The following NUP155 variants were observed in gnomAD, a reference collection of about 807,000 sequenced individuals.
NUP155 encodes the protein nucleoporin 155, also known as nuclear pore complex protein Nup155.
In NUP155, 71 loss-of-function variants were observed where a neutral mutation model predicts 180.4. That is an observed-to-expected ratio of 0.39 (90% CI 0.33 to 0.48). The LOEUF is 0.48. Ranked by LOEUF, NUP155 falls within the 20% of genes least tolerant of loss-of-function variation. The pLI is 0.91. For missense variants in NUP155, 1,553 were observed against 1,648.9 expected, an observed-to-expected ratio of 0.94 and a Z score of 1.01; for synonymous variants, 582 against 559.5, an observed-to-expected ratio of 1.04 and a Z score of -0.57.
rs193116320 is a variant in NUP155, at chr5:37,353,560, C to T, written c.464-731G>A. Among the ~76,000 whole-genome samples, 45 of 151,738 alleles carry T rather than the reference C, an allele frequency of 3.0e-4. 1 individual carries two copies. The highest frequency in any genetic ancestry group is 2.2e-3 in the Admixed American group (34 of 15,200). ...TCACGCCATTACACCCCAGTCTGGA[C>T]GACAGAGTGAGACTCCATCTCAAAA... is the stretch of plus-strand genomic sequence containing the variant. On this transcript the variant is annotated intron_variant, in intron 4 of 34. Coordinates refer to ENST00000231498, the MANE Select transcript of NUP155 (RefSeq NM_153485.3).
chr5:37,357,337 T>C (rs1031953308), intron 4 of NUP155, among the ~76,000 whole-genome samples: 1 of 126,886 alleles, frequency 7.9e-6, no homozygotes, highest in Non-Finnish European at 1.6e-5. Flanking sequence ...GTTGAGGCTG[T>C]AGTGAGCCAT....
intron 27 of NUP155, among the ~76,000 whole-genome samples, chr5:37,304,273 AG>A (rs149716808): frequency 0.25 from 20,505 of 82,362 alleles, 4,983 homozygotes; most frequent in African/African-American, 0.5. Context: ...AAAAAAAAAA[AG>A]GGAAATTTAC....
chr5:37,303,039 T>G (rs1008806973), intron 28 of NUP155, 131 bp from the exon 29 acceptor site: 22 of 1,139,442 alleles, frequency 1.9e-5, no homozygotes, highest in Non-Finnish European at 2.5e-5. Flanking sequence ...AAAAAATCAT[T>G]AGATTTAAAA....
At chr5:37,364,061 A>G in intron 2 of NUP155, 77 bp from the exon 3 acceptor site, 2 of 1,265,454 alleles carry the variant, frequency 1.6e-6, no homozygotes, top group Non-Finnish European at 1.2e-6. Flanking sequence ...TTTTGACTTA[A>G]TATTTACGTA....
chr5:37,336,413 AG>A (rs1745331809), intron 12 of NUP155, among the ~76,000 whole-genome samples: 1 of 152,110 alleles, frequency 6.6e-6, no homozygotes, highest in African/African-American at 2.4e-5. Flanking sequence ...CCTGGGCAAC[AG>A]GGTGAGATGC....
At chr5:37,345,843 G>A (rs929966335) in intron 9 of NUP155, among the ~76,000 whole-genome samples, 1 of 149,988 alleles carries the variant, frequency 6.7e-6, no homozygotes, top group East Asian at 2.0e-4. Flanking sequence ...GGCAGAGGGT[G>A]CAGTGAGCTG....
At chr5:37,364,156 A>C in intron 2 of NUP155, 91 bp downstream of exon 2, 1 of 1,186,138 alleles carries the variant, frequency 8.4e-7, no homozygotes, top group South Asian at 1.3e-5. Flanking sequence ...AAATGAATAT[A>C]TAACACATTA....
chr5:37,363,036 C>CGG (rs950693064), intron 3 of NUP155, among the ~76,000 whole-genome samples: 12 of 152,156 alleles, frequency 7.9e-5, no homozygotes, highest in Middle Eastern at 3.4e-3. Context: ...CCTCAGCTCC[C>CGG]GAGTGGCTGG....
chr5:37,368,968 T>C (rs1220464881), intron 1 of NUP155, among the ~76,000 whole-genome samples: 1 of 152,140 alleles, frequency 6.6e-6, no homozygotes, highest in Non-Finnish European at 1.5e-5. Context: ...TACGAAAGAC[T>C]TCAGGCCAGG....
Position 37,291,918 on chromosome 5 carries a change from T to C in NUP155, c.4158A>G (p.Lys1386=). Residue 1386 remains lysine (K), a synonymous_variant, in exon 35 of 35, where the codon AAA becomes AAG. Transcript: ENST00000231498. The part of the protein sequence containing the change: ...ITGNFKSLQA[K]LERLH Reference sequence around the variant, plus strand: ...ACAGTAATTAATGAAGCCGTTCTAATTTAGCTTGAAGAGATTTAAAATTCC... The same window carrying C: ...ACAGTAATTAATGAAGCCGTTCTAACTTAGCTTGAAGAGATTTAAAATTCC... The C allele has an allele frequency of 3.7e-6, 6 of 1,614,082 alleles. No individual in the cohort carries two copies. Among genetic ancestry groups the C allele is most frequent in the Non-Finnish European group, 5.1e-6 (6 of 1,179,942 alleles).
At chr5:37,358,037 T>C in intron 4 of NUP155, 44 bp downstream of exon 4, 3 of 1,331,002 alleles carry the variant, frequency 2.3e-6, no homozygotes, top group South Asian at 1.2e-5. Flanking sequence ...ATTTGGAGTT[T>C]ACATATACAA....
chr5:37,345,573 G>C (rs1561802316), intron 9 of NUP155, among the ~76,000 whole-genome samples: 1 of 150,074 alleles, frequency 6.7e-6, no homozygotes. Flanking sequence ...TCATAAGACA[G>C]GCAACAAAGA....
chr5:37,307,208 A>C (rs1350439542), intron 25 of NUP155, 89 bp downstream of exon 25: 40 of 1,400,238 alleles, frequency 2.9e-5, no homozygotes, highest in Admixed American at 6.0e-5. Context: ...AAAAAAAAAA[A>C]AAAAACATAA....
chr5:37,316,467 G>C (rs533022580), intron 21 of NUP155, among the ~76,000 whole-genome samples: 1 of 151,998 alleles, frequency 6.6e-6, no homozygotes, highest in Non-Finnish European at 1.5e-5. Context: ...GTGACTTTTG[G>C]TGTTTATTTT....
intron 20 of NUP155, among the ~76,000 whole-genome samples, chr5:37,323,690 A>C (rs935285303): frequency 3.3e-5 from 5 of 149,786 alleles, no homozygotes; most frequent in Non-Finnish European, 5.9e-5. Flanking sequence ...TATAAAATAT[A>C]ATATTTATAT....
At position 37,331,862 on chromosome 5, in the gene NUP155, A is replaced by C. The variant is rs1744985134; in HGVS notation, c.1519-67T>G. 5 of 920,676 alleles carry C rather than the reference A, an allele frequency of 5.4e-6. No homozygotes were observed. The South Asian group carries it at 6.5e-5, about 12-fold the overall frequency. 57.0% of individuals were successfully genotyped at this position (920,676 alleles called of 1,614,324 possible). ...AGATTGGCTGATAGCAACTGACTCT[A>C]CCTTATTTGATAAAATAAATGAAAC... On this transcript the variant is annotated intron_variant, in intron 13 of 34. Coordinates refer to ENST00000231498, the MANE Select transcript of NUP155 (RefSeq NM_153485.3).
intron 1 of NUP155, among the ~76,000 whole-genome samples, chr5:37,365,877 G>A (rs985595784): frequency 3.3e-5 from 5 of 150,536 alleles, no homozygotes; most frequent in African/African-American, 1.2e-4. Flanking sequence ...TTGCTAATCT[G>A]AAATGGGAAA....
rs767409904 is a variant in NUP155, at chr5:37,292,990, G to A, written c.3931-5C>T. The A allele has an allele frequency of 3.2e-6, 5 of 1,554,534 alleles. No individual in the cohort carries two copies. The African/African-American group carries it at 4.1e-5, about 13-fold the overall frequency. ...CATTCTGTTCCAGAATGGATCCTAT[G>A]AAGAAATATACATAATGAAATGTGA... On this transcript the variant is annotated splice_polypyrimidine_tract_variant and splice_region_variant and intron_variant, in intron 33 of 34. Coordinates refer to ENST00000231498, the MANE Select transcript of NUP155 (RefSeq NM_153485.3).
chr5:37,323,437 G>A (rs1744377343), intron 20 of NUP155, among the ~76,000 whole-genome samples: 1 of 152,032 alleles, frequency 6.6e-6, no homozygotes, highest in Non-Finnish European at 1.5e-5. Flanking sequence ...TTGAAAACAT[G>A]CTTGGGGAAA....
Sources: gnomAD v4.1 joint callset for allele counts (sites outside exome capture counted in the v4.1 genomes callset) on GRCh38, gnomAD v4.1.1 for gene constraint, MANE v1.5 for transcripts, NCBI Gene and HGNC (gene_info 2026-07-23, HGNC 2026-07-21) for gene names.